TMEM222: variants seen among roughly 807,000 people sequenced by gnomAD.
The protein encoded by TMEM222 is transmembrane protein 222.
Under a neutral mutation model 25.1 loss-of-function variants are expected in TMEM222, and 18 were observed. The observed-to-expected ratio is 0.72, with a 90% CI of 0.50 to 1.06. The LOEUF is 1.06. Ranked by LOEUF, TMEM222 falls within the 50% of genes least tolerant of loss-of-function variation. The pLI, the probability that TMEM222 is intolerant of heterozygous loss-of-function variation, is 0.00. For synonymous variants in TMEM222, 131 were observed against 117.9 expected, an observed-to-expected ratio of 1.11 and a Z score of -0.72; for missense variants, 296 against 293.7, an observed-to-expected ratio of 1.01 and a Z score of -0.06.
intron 2 of TMEM222, chr1:27,331,269 T>A: frequency 1.8e-6 from 1 of 568,146 alleles, no homozygotes; most frequent in Non-Finnish European, 2.3e-6. Context: ...TGACCAAGAC[T>A]GGTCCAGTGG....
At chr1:27,325,332 C>T (rs980972503) in intron 1 of TMEM222, 5 of 747,636 alleles carry the variant, frequency 6.7e-6, no homozygotes, top group Non-Finnish European at 1.2e-5. Context: ...TTTTGTCTCC[C>T]TGGACTTCGA....
intron 1 of TMEM222, among the ~76,000 whole-genome samples, chr1:27,328,151 C>G (rs2014397328): frequency 6.6e-6 from 1 of 152,118 alleles, no homozygotes; most frequent in Admixed American, 6.5e-5. Context: ...TGGAAGACAC[C>G]GTTCAGGCAA....
In TMEM222 at chr1:27,324,996, C is replaced by T. The variant is rs1463213763; in HGVS notation, c.194+2605C>T. On this transcript the variant is annotated intron_variant, in intron 1 of 5. Coordinates refer to ENST00000374076, the MANE Select transcript of TMEM222 (RefSeq NM_032125.3). Reference sequence around the variant, plus strand: ...GACAGGAGATTTGGCGGGGACAGATCCAAACCATGTCACCTTCAAAGGACT... The same window carrying T: ...GACAGGAGATTTGGCGGGGACAGATTCAAACCATGTCACCTTCAAAGGACT... Among the ~76,000 whole-genome samples the T allele has an allele frequency of 2.0e-5, 3 of 152,216 alleles. No individual in the cohort carries two copies. In the South Asian group the frequency reaches 6.2e-4, roughly 32 times the overall value.
rs1245599745 is a variant in TMEM222, at chr1:27,332,031, G to A, written c.280-39G>A. On this transcript the variant is annotated intron_variant, in intron 2 of 5. Transcript: ENST00000374076. Reference sequence around the variant, plus strand: ...CCCAGGTTTGTCATCTGGCCCAAATGTAAGTTCCTCACTGACCTCTGCTTT... The same window carrying A: ...CCCAGGTTTGTCATCTGGCCCAAATATAAGTTCCTCACTGACCTCTGCTTT... 6 of 1,613,590 alleles carry A rather than the reference G, an allele frequency of 3.7e-6. No homozygotes were observed. In the African/African-American group the frequency reaches 4.0e-5, roughly 11 times the overall value.
intron 1 of TMEM222, among the ~76,000 whole-genome samples, chr1:27,326,374 A>G (rs1190858882): frequency 6.6e-6 from 1 of 151,956 alleles, no homozygotes; most frequent in Non-Finnish European, 1.5e-5. Context: ...AAATGTATTC[A>G]TCCTTTTAAT....
At chr1:27,324,568 A>C (rs544746902) in intron 1 of TMEM222, among the ~76,000 whole-genome samples, 26 of 152,218 alleles carry the variant, frequency 1.7e-4, no homozygotes, top group Non-Finnish European at 3.4e-4. Flanking sequence ...TAAGACCAAG[A>C]TGAATAAGAC....
At chr1:27,328,807 CT>C (rs1435786671) in intron 1 of TMEM222, among the ~76,000 whole-genome samples, 4 of 152,242 alleles carry the variant, frequency 2.6e-5, no homozygotes, top group Admixed American at 1.3e-4. Context: ...CCCCAGCCCC[CT>C]GTAACTGCTT....
Position 27,330,784 on chromosome 1 carries a change from G to A in TMEM222, c.259G>A (p.Ala87Thr). The A allele has an allele frequency of 2.5e-6, 4 of 1,614,076 alleles. No individual in the cohort carries two copies. The highest frequency in any genetic ancestry group is 1.1e-5 in the South Asian group (1 of 91,068). The stretch of plus-strand genomic sequence containing the variant: ...ATCCACAGGAGTCATTCGGGACTTC[G>A]CGGGCCCCTACTTTGTCTCAGTGAG... ...CTSTGVIRDFAGPYFVSEDNM... is the reference protein window; with the variant it reads ...CTSTGVIRDFTGPYFVSEDNM... The change falls in exon 2 of 6, where the codon GCG (alanine) becomes ACG (threonine). Residue 87 changes from alanine to threonine, a missense_variant. Ala to Thr is a moderately conservative substitution (Grantham distance 58). Transcript: ENST00000374076.
In TMEM222 at chr1:27,334,181, C is replaced by T; in HGVS notation, c.439C>T (p.His147Tyr). ...HNLCCDNCHS[H>Y]VALALNLMRY... The stretch of plus-strand genomic sequence containing the variant: ...TCTCTGCTGTGACAACTGCCACTCG[C>T]ACGTGGCATTGGCCCTGAATCTGAT... The change falls in exon 5 of 6, where the codon CAC becomes TAC. Residue 147 changes from histidine to tyrosine, a missense_variant. Transcript: ENST00000374076. 1 of 1,614,190 alleles carries T rather than the reference C, an allele frequency of 6.2e-7. No individual in the cohort carries two copies.
At position 27,335,884 on chromosome 1, in the gene TMEM222, C is replaced by T. The variant is rs1303700782; in HGVS notation, c.*418C>T. The T allele has an allele frequency of 4.7e-6, 1 of 214,432 alleles. No homozygotes were observed. Among genetic ancestry groups the T allele is most frequent in the Non-Finnish European group, 9.6e-6 (1 of 104,058 alleles). The allele number at this position is 214,432 out of a possible 1,614,324, so 13.3% of individuals were successfully genotyped here. ...GTCCCAGCATGGGGTGCACCGGGTA[C>T]ACTTAACGTGTCTCTATAAGCCAAG... On this transcript the variant is annotated 3_prime_UTR_variant, in exon 6 of 6. Coordinates refer to ENST00000374076, the MANE Select transcript of TMEM222 (RefSeq NM_032125.3).
At position 27,333,949 on chromosome 1, in the gene TMEM222, TC is replaced by T. The variant is rs754327098; in HGVS notation, c.312-3del. ...CAAGCAAGTGTCCAGAGCCCTTCTC[TC>T]CCCCCAGGTACTGGAAGTTGGACCC... On this transcript the variant is annotated splice_region_variant and splice_polypyrimidine_tract_variant and intron_variant, in intron 3 of 5. Coordinates refer to ENST00000374076, the MANE Select transcript of TMEM222 (RefSeq NM_032125.3). 3.1e-6 allele frequency: 5 copies of T among 1,612,262 alleles called. No homozygotes were observed. The South Asian group carries it at 4.4e-5, about 14-fold the overall frequency.
chr1:27,330,627 A>G (rs1216295220), intron 1 of TMEM222, 93 bp from the exon 2 acceptor site: 3 of 1,037,354 alleles, frequency 2.9e-6, no homozygotes, highest in Non-Finnish European at 4.5e-6. Context: ...TAATATTCAC[A>G]TGCTTCTGTA....
intron 5 of TMEM222, 51 bp from the exon 6 acceptor site, chr1:27,335,328 G>A: frequency 1.3e-6 from 2 of 1,579,512 alleles, no homozygotes; most frequent in Non-Finnish European, 1.7e-6. Flanking sequence ...CGGGCCGCAT[G>A]CCTGCTCACC....
intron 2 of TMEM222, chr1:27,331,182 TGGGTGTGGCCATGGAGAAGAGG>T: frequency 9.0e-7 from 1 of 1,106,226 alleles, no homozygotes; most frequent in Non-Finnish European, 1.1e-6. Context: ...TTCGGTTCCC[TGGGTGTGGCCATGGAGAAGAGG>T]GGGTGGGGCT....
At chr1:27,328,680 TC>T (rs1225210000) in intron 1 of TMEM222, among the ~76,000 whole-genome samples, 1 of 152,244 alleles carries the variant, frequency 6.6e-6, no homozygotes, top group Non-Finnish European at 1.5e-5. Context: ...CTTTCGTTCT[TC>T]CAGGCACATG....
At chr1:27,334,406 C>T (rs2014556513) in intron 5 of TMEM222, 125 bp downstream of exon 5, 2 of 1,460,350 alleles carry the variant, frequency 1.4e-6, no homozygotes, top group Middle Eastern at 3.6e-4. Context: ...CCAGTTGGAG[C>T]CGTGGTGGTT....
chr1:27,330,146 C>G lies in TMEM222; in HGVS notation c.195-574C>G, dbSNP rs370016828. Among the ~76,000 whole-genome samples, 10 of 150,194 alleles carry G rather than the reference C, an allele frequency of 6.7e-5. No homozygotes were observed. In the East Asian group the frequency reaches 2.0e-3, roughly 30 times the overall value. ...GGGTGCAGTGGCTTATGCCTGTAAT[C>G]CCAGCACTTTGGGAGGCCAAGGCAC... On this transcript the variant is annotated intron_variant, in intron 1 of 5. Coordinates refer to ENST00000374076, the MANE Select transcript of TMEM222 (RefSeq NM_032125.3).
chr1:27,333,388 C>G (rs1042474294), intron 3 of TMEM222: 1 of 471,080 alleles, frequency 2.1e-6, no homozygotes, highest in Admixed American at 2.3e-5. Flanking sequence ...CCTTCTCACA[C>G]CCCATCTTAG....
At chr1:27,331,959 C>T in intron 2 of TMEM222, 111 bp from the exon 3 acceptor site, 2 of 1,153,338 alleles carry the variant, frequency 1.7e-6, no homozygotes, top group Non-Finnish European at 2.6e-6. Flanking sequence ...TCTGGCCCCC[C>T]CACCCCTGAC....
Sources: allele counts gnomAD v4.1 joint callset (sites outside exome capture counted in the v4.1 genomes callset), GRCh38; gene constraint gnomAD v4.1.1; transcripts MANE v1.5; gene names NCBI Gene and HGNC (gene_info 2026-07-23, HGNC 2026-07-21).